Variants in PLS3 observed in about 807,000 individuals in gnomAD.
The protein encoded by PLS3 is plastin-3.
Under a neutral mutation model 46.5 loss-of-function variants are expected in PLS3, and 11 were observed. The ratio of observed to expected loss-of-function variants is 0.24; its 90% CI spans 0.15 to 0.39. PLS3 has a LOEUF of 0.39. Among genes scored for constraint, PLS3 ranks in the 10% least tolerant of loss-of-function variants. The probability of loss-of-function intolerance (pLI) is 1.00; values close to 1 mark genes in which losing one functional copy is unlikely to be tolerated. For synonymous variants in PLS3, 167 were observed against 162.2 expected (o/e 1.03, Z -0.22); for missense variants, 308 against 461.8 (o/e 0.67, Z 3.05).
At chrX:115,590,649 G>A (rs1161925837) in intron 1 of PLS3, among the ~76,000 whole-genome samples, 6 of 110,708 alleles carry the variant, frequency 5.4e-5, no homozygotes, top group Admixed American at 9.6e-5. Flanking sequence ...GTGAAAACCC[G>A]TCTCTACTAA....
Position 115,622,233 on chromosome X carries a change from C to CT in PLS3, c.74-7dup. On this transcript the variant is annotated splice_polypyrimidine_tract_variant and intron_variant, in intron 2 of 15. Coordinates refer to ENST00000355899, the MANE Select transcript of PLS3 (RefSeq NM_005032.7). ...TTTTTTTCCTTTTTTGCTTGCTCTC[C>CT]TTTTTTACAAAGATCTCAACAGCAA... is the stretch of plus-strand genomic sequence containing the variant. 1 of 1,184,350 alleles carries CT rather than the reference C, an allele frequency of 8.4e-7. No individual in the cohort carries two copies. Among genetic ancestry groups the CT allele is most frequent in the East Asian group, 3.0e-5 (1 of 33,040 alleles).
chrX:115,620,439 AAGT>A (rs1342062972), intron 2 of PLS3, among the ~76,000 whole-genome samples: 1 of 110,906 alleles, frequency 9.0e-6, no homozygotes, highest in African/African-American at 3.3e-5. Context: ...CATTCTGTCT[AAGT>A]AGTAGCACCA....
chrX:115,623,603 T>C (rs2074678232), intron 3 of PLS3, among the ~76,000 whole-genome samples: 1 of 111,942 alleles, frequency 8.9e-6, no homozygotes, highest in African/African-American at 3.2e-5. Context: ...TAAGATTTTA[T>C]TGGTGTATTT....
At chrX:115,625,434 T>TGGATTCAGGATTC (rs1556638337) in intron 3 of PLS3, among the ~76,000 whole-genome samples, 1 of 110,484 alleles carries the variant, frequency 9.1e-6, no homozygotes, top group Non-Finnish European at 1.9e-5. Flanking sequence ...ACTTCAAAAC[T>TGGATTCAGGATTC]AAAAATACTG....
Position 115,614,438 on chromosome X carries a change from T to C in PLS3, c.73+4115T>C, listed in dbSNP as rs906056605. The C allele has an allele frequency of 5.3e-6, 4 of 751,213 alleles. No individual in the cohort carries two copies. The African/African-American group carries it at 9.3e-5, about 17-fold the overall frequency. 61.9% of individuals were successfully genotyped at this position (751,213 alleles called of 1,213,427 possible). A position where few individuals can be genotyped will look rare whatever the true frequency, so the allele number is the denominator to read the frequency against. ...TTGACCTCCATCTTTGGAAATCCAC[T>C]AGTACAGTGAATTCTAAAGCAGCAA... On this transcript the variant is annotated intron_variant, in intron 2 of 15. Coordinates refer to ENST00000355899, the MANE Select transcript of PLS3 (RefSeq NM_005032.7).
In PLS3 at chrX:115,633,739, T is replaced by A. The variant is rs184526690; in HGVS notation, c.501-261T>A. On this transcript the variant is annotated intron_variant, in intron 5 of 15. Transcript: ENST00000355899. ...AACTCCTGGCCTCAAGCAGTCCTCC[T>A]GCCTCAGCCTCCCAAAGTGCTGGGA... is the stretch of plus-strand genomic sequence containing the variant. Among the ~76,000 whole-genome samples, 482 of 111,444 alleles carry A rather than the reference T, an allele frequency of 4.3e-3. 6 individuals carry two copies. The highest frequency in any genetic ancestry group is 0.015 in the African/African-American group (473 of 30,737).
chrX:115,590,858 C>T (rs1232108021), intron 1 of PLS3, among the ~76,000 whole-genome samples: 2 of 110,155 alleles, frequency 1.8e-5, no homozygotes, highest in Non-Finnish European at 3.8e-5. Context: ...AAAAAACTGG[C>T]CGGGCGCGGT....
At chrX:115,594,666 T>TCACA (rs1191658230) in intron 1 of PLS3, among the ~76,000 whole-genome samples, 7 of 102,897 alleles carry the variant, frequency 6.8e-5, no homozygotes, top group African/African-American at 2.7e-4. Flanking sequence ...TCTCTCTCTC[T>TCACA]CTCACACACA....
chrX:115,578,300 T>C (rs782695657), intron 1 of PLS3, among the ~76,000 whole-genome samples: 6 of 112,182 alleles, frequency 5.3e-5, no homozygotes, highest in African/African-American at 1.9e-4. Flanking sequence ...AAATTTTCCT[T>C]TATGACAACT....
intron 1 of PLS3, among the ~76,000 whole-genome samples, chrX:115,598,432 C>T (rs2074410310): frequency 9.0e-6 from 1 of 111,220 alleles, no homozygotes; most frequent in African/African-American, 3.3e-5. Context: ...GAACCTATGA[C>T]ACACGTGAGG....
chrX:115,635,508 A>G (rs7050258), intron 7 of PLS3, among the ~76,000 whole-genome samples: 12,596 of 107,975 alleles, frequency 0.12, 1,159 homozygotes, highest in African/African-American at 0.31. Flanking sequence ...AAAATTAGCC[A>G]GGCGAGGTGG....
intron 3 of PLS3, among the ~76,000 whole-genome samples, chrX:115,626,351 C>T (rs1556638484): frequency 9.4e-6 from 1 of 106,046 alleles, no homozygotes; most frequent in African/African-American, 3.5e-5. Flanking sequence ...GTGGCGTGAT[C>T]TCGGCTCACT....
chrX:115,632,805 C>T (rs1254833034), intron 5 of PLS3, among the ~76,000 whole-genome samples: 1 of 109,379 alleles, frequency 9.1e-6, no homozygotes, highest in African/African-American at 3.3e-5. Context: ...AATCATGGCT[C>T]ACTACCGCCA....
In PLS3 at chrX:115,636,592, C is replaced by A. The variant is rs190064909; in HGVS notation, c.749-244C>A. On this transcript the variant is annotated intron_variant, in intron 7 of 15. Transcript: ENST00000355899. ...TGAAGCTTGCATTAAGCTTAAAGGCCATAACCTCATTTGGTATTTGAAATG... is the reference window on the plus strand; with the variant it reads ...TGAAGCTTGCATTAAGCTTAAAGGCAATAACCTCATTTGGTATTTGAAATG... 3.4e-3 allele frequency among the ~76,000 whole-genome samples: 376 copies of A among 111,589 alleles called. 2 individuals carry two copies. Among genetic ancestry groups the A allele is most frequent in the African/African-American group, 0.011 (348 of 30,788 alleles).
chrX:115,629,340 T>C lies in PLS3; in HGVS notation c.367+13T>C, dbSNP rs1556638925. 8.4e-7 allele frequency: 1 copy of C among 1,192,670 alleles called. No individual in the cohort carries two copies. ...CATTCTTACTCAGGTAATCATTTTA[T>C]ATGCAATAGGTTAACACAATGTGCT... On this transcript the variant is annotated intron_variant, in intron 4 of 15. Transcript: ENST00000355899.
chrX:115,645,710 A>C lies in PLS3; in HGVS notation c.1263-362A>C, dbSNP rs138873016. Among the ~76,000 whole-genome samples, 532 of 110,891 alleles carry C rather than the reference A, an allele frequency of 4.8e-3. 1 individual carries two copies. Among genetic ancestry groups the C allele is most frequent in the Middle Eastern group, 9.4e-3 (2 of 213 alleles). Reference sequence around the variant, plus strand: ...CCTAGTTCCTTTTTTTCTTAATAGCACTTACATACACCCCTAAAATTGTTT... The same window carrying C: ...CCTAGTTCCTTTTTTTCTTAATAGCCCTTACATACACCCCTAAAATTGTTT... On this transcript the variant is annotated intron_variant, in intron 11 of 15. Transcript: ENST00000355899.
At chrX:115,641,366 T>G (rs782044621) in intron 9 of PLS3, among the ~76,000 whole-genome samples, 3 of 107,805 alleles carry the variant, frequency 2.8e-5, no homozygotes, top group Non-Finnish European at 5.8e-5. Context: ...TAGCTGCGAT[T>G]ACAGGCGCCC....
chrX:115,609,527 A>G (rs1405141496), intron 1 of PLS3, among the ~76,000 whole-genome samples: 3 of 111,694 alleles, frequency 2.7e-5, no homozygotes, highest in African/African-American at 6.5e-5. Flanking sequence ...GGACTGCAAA[A>G]ATTTTCCTTT....
chrX:115,646,312 GC>G, intron 12 of PLS3, 89 bp from the exon 13 acceptor site: 1 of 991,160 alleles, frequency 1.0e-6, no homozygotes, highest in South Asian at 2.2e-5. Flanking sequence ...GTTTTTGTGT[GC>G]TGATACCTAG....
Sources: allele counts gnomAD v4.1 joint callset (sites outside exome capture counted in the v4.1 genomes callset), GRCh38; gene constraint gnomAD v4.1.1; transcripts MANE v1.5; gene names NCBI Gene and HGNC (gene_info 2026-07-23, HGNC 2026-07-21).